Variants in ZPBP observed in about 807,000 individuals in gnomAD.
The protein encoded by ZPBP is zona pellucida binding protein, also known as zona pellucida-binding protein 1.
ZPBP carries 26 observed loss-of-function variants against 44.8 expected under a neutral mutation model. The ratio of observed to expected loss-of-function variants is 0.58; its 90% CI spans 0.43 to 0.81. The LOEUF (loss-of-function observed/expected upper bound fraction) is 0.81. ZPBP is among the 30% of genes least tolerant of loss of function. ZPBP has a pLI of 0.00. For synonymous variants in ZPBP, 174 were observed against 153.2 expected, an observed-to-expected ratio of 1.14 and a Z score of -1.00; for missense variants, 409 against 434.0, an observed-to-expected ratio of 0.94 and a Z score of 0.51.
At chr7:49,841,888 T>C in the ZPBP span, among the ~76,000 whole-genome samples, 2 of 152,208 alleles carry the variant, frequency 1.3e-5, no homozygotes, top group African/African-American at 4.8e-5. Flanking sequence ...TTTTTTAAGA[T>C]GGAGTTTTGC....
chr7:49,958,905 G>T (rs1160094802), intron 7 of ZPBP, among the ~76,000 whole-genome samples: 1 of 151,782 alleles, frequency 6.6e-6, no homozygotes, highest in East Asian at 1.9e-4. Context: ...TCACAACAAA[G>T]ACATTATTTA....
At chr7:50,016,058 C>G (rs953769191) in intron 6 of ZPBP, among the ~76,000 whole-genome samples, 13 of 152,172 alleles carry the variant, frequency 8.5e-5, no homozygotes, top group African/African-American at 3.1e-4. Context: ...AATCCCATTA[C>G]TGGGCACATA....
intron 2 of ZPBP, among the ~76,000 whole-genome samples, chr7:49,875,712 G>T (rs1791389567): frequency 6.6e-6 from 1 of 152,056 alleles, no homozygotes; most frequent in South Asian, 2.1e-4. Context: ...GTGTCTGATG[G>T]AGTGGCATGA....
rs142197213 is a variant in ZPBP at position 49,965,766 on chromosome 7, C to T, written c.961+17576G>A. 3.2e-3 allele frequency among the ~76,000 whole-genome samples: 482 copies of T among 152,100 alleles called. 6 individuals are homozygous for T. Among genetic ancestry groups the T allele is most frequent in the African/African-American group, 0.011 (449 of 41,538 alleles). On this transcript the variant is annotated intron_variant, in intron 7 of 7. Transcript: ENST00000046087. ...GTCAGGAGTGGAGAAATAAAGCATA[C>T]TATTTTAAGATGTTTACATTATATG... is the stretch of plus-strand genomic sequence containing the variant.
chr7:50,085,837 A>T (rs1275898111), intron 2 of ZPBP, among the ~76,000 whole-genome samples: 2 of 152,156 alleles, frequency 1.3e-5, no homozygotes, highest in Non-Finnish European at 2.9e-5. Context: ...TGTTCTGAAC[A>T]TTCCTGAAAA....
At chr7:49,903,913 G>A (rs1026053273) in intron 1 of ZPBP, among the ~76,000 whole-genome samples, 3 of 152,090 alleles carry the variant, frequency 2.0e-5, no homozygotes, top group Non-Finnish European at 2.9e-5. Context: ...TTTATATTCC[G>A]CCTTGAGGAG....
intron 2 of ZPBP, among the ~76,000 whole-genome samples, chr7:49,888,739 C>T (rs1241105193): frequency 1.3e-5 from 2 of 151,994 alleles, no homozygotes; most frequent in Non-Finnish European, 2.9e-5. Flanking sequence ...GGTAAAACCC[C>T]GTTTCTACTA....
rs765916033 is a variant in ZPBP at position 50,074,289 on chromosome 7, C to G, written c.334+7485G>C. 6.1e-4 allele frequency among the ~76,000 whole-genome samples: 93 copies of G among 151,406 alleles called. 4 individuals carry two copies. The highest frequency in any genetic ancestry group is 1.8e-4 in the Non-Finnish European group (12 of 67,740). On this transcript the variant is annotated intron_variant, in intron 3 of 7. Coordinates refer to ENST00000046087, the MANE Select transcript of ZPBP (RefSeq NM_007009.3). ...AACCGAAAAGCATACAATGGATACA[C>G]AAAAAATAAAAAGCAAGAAGCTAAA... is the stretch of plus-strand genomic sequence containing the variant.
chr7:50,074,782 G>C (rs117474001), intron 3 of ZPBP, among the ~76,000 whole-genome samples: 4,683 of 151,866 alleles, frequency 0.031, 88 homozygotes, highest in Middle Eastern at 0.055. Flanking sequence ...AATATTATTA[G>C]AGCTAAAGAG....
intron 2 of ZPBP, among the ~76,000 whole-genome samples, chr7:49,900,401 A>G (rs1371068527): frequency 6.6e-6 from 1 of 151,742 alleles, no homozygotes; most frequent in African/African-American, 2.4e-5. Context: ...AAGATTAATA[A>G]AAGTTCTAAG....
chr7:49,849,272 G>A (rs1419870406), downstream of ZPBP, among the ~76,000 whole-genome samples: 1 of 152,186 alleles, frequency 6.6e-6, no homozygotes, highest in Non-Finnish European at 1.5e-5. Flanking sequence ...TCCCCGAGGA[G>A]AGAGAGAGAA....
intron 6 of ZPBP, among the ~76,000 whole-genome samples, chr7:50,016,541 G>C (rs1445640820): frequency 1.4e-5 from 2 of 147,928 alleles, no homozygotes; most frequent in Admixed American, 1.3e-4. Context: ...TGTACCCCCT[G>C]AATGTAAAAG....
chr7:50,002,408 G>A (rs537726875), intron 6 of ZPBP, among the ~76,000 whole-genome samples: 4 of 152,182 alleles, frequency 2.6e-5, no homozygotes, highest in Admixed American at 2.6e-4. Flanking sequence ...AATCATATCA[G>A]ACAGGGTATC....
chr7:49,996,293 T>A (rs1477310841), intron 6 of ZPBP, among the ~76,000 whole-genome samples: 1 of 152,124 alleles, frequency 6.6e-6, no homozygotes, highest in African/African-American at 2.4e-5. Context: ...ATTATGCAAC[T>A]GGAACTGGGG....
At chr7:50,081,986 T>C in intron 2 of ZPBP, 87 bp from the exon 3 acceptor site, 2 of 1,476,576 alleles carry the variant, frequency 1.4e-6, no homozygotes, top group Non-Finnish European at 1.9e-6. Context: ...TTGGGTTACA[T>C]GCAATAATAA....
rs1237945255 is a variant in ZPBP at position 49,926,799 on chromosome 7, A to G, written n.411+8952T>C. On this transcript the variant is annotated intron_variant and non_coding_transcript_variant, in intron 1 of 2. Coordinates refer to the ZPBP transcript ENST00000465922. ...GGAGGGGCTGGGAGATCCTCTGGAT[A>G]ATAATGCAGGAGAGCAGGAAGGAGG... 2.0e-5 allele frequency among the ~76,000 whole-genome samples: 3 copies of G among 152,232 alleles called. No homozygotes were observed. The East Asian group carries it at 5.8e-4, about 29-fold the overall frequency.
At chr7:49,899,630 C>A (rs6971301) in intron 2 of ZPBP, among the ~76,000 whole-genome samples, 1,546 of 152,026 alleles carry the variant, frequency 0.01, 23 homozygotes, top group African/African-American at 0.035. Flanking sequence ...ACACACAGGT[C>A]TTCAATATGC....
chr7:49,944,945 T>A (rs1237355924), intron 7 of ZPBP, among the ~76,000 whole-genome samples: 2 of 152,206 alleles, frequency 1.3e-5, no homozygotes, highest in African/African-American at 4.8e-5. Flanking sequence ...AATAGGTTGC[T>A]AATTTGAAGT....
At chr7:49,979,954 A>G (rs1443982544) in intron 7 of ZPBP, among the ~76,000 whole-genome samples, 1 of 111,680 alleles carries the variant, frequency 9.0e-6, no homozygotes, top group Non-Finnish European at 1.7e-5. Flanking sequence ...AATATATATT[A>G]ATATATTTAT....
Sources: allele counts gnomAD v4.1 joint callset (sites outside exome capture counted in the v4.1 genomes callset), GRCh38; gene constraint gnomAD v4.1.1; transcripts MANE v1.5; gene names NCBI Gene and HGNC (gene_info 2026-07-23, HGNC 2026-07-21).